Variants in TLCD4 observed in about 807,000 individuals in gnomAD.
The protein encoded by TLCD4 is TLC domain containing 4.
A neutral mutation model predicts 24.2 loss-of-function variants in TLCD4; 7 were observed. The ratio of observed to expected loss-of-function variants is 0.29; its 90% CI spans 0.16 to 0.54. The LOEUF (loss-of-function observed/expected upper bound fraction) is 0.54, where lower values mean the gene tolerates loss of function less well. TLCD4 is among the 20% of genes least tolerant of loss of function. The pLI is 0.95. For missense variants in TLCD4, 259 were observed against 313.9 expected (o/e 0.82, Z 1.32); for synonymous variants, 103 against 106.4 (o/e 0.97, Z 0.20).
Position 95,191,956 on chromosome 1 carries a change from TA to T in TLCD4, c.*90del. On this transcript the variant is annotated 3_prime_UTR_variant, in exon 7 of 7. Transcript: ENST00000370203. ...TTGGCATGTTCTTGTGTACCTTTCT[TA>T]ATTATAATTGTTATTCAGGATTTCA... 6.7e-7 allele frequency: 1 copy of T among 1,487,748 alleles called. No individual in the cohort carries two copies. Among genetic ancestry groups the T allele is most frequent in the Non-Finnish European group, 8.9e-7 (1 of 1,126,464 alleles). 92.2% of individuals were successfully genotyped at this position (1,487,748 alleles called of 1,614,324 possible). A position where few individuals can be genotyped will look rare whatever the true frequency, so the allele number is the denominator to read the frequency against.
chr1:95,168,518 CT>C (rs1181822226), intron 5 of TLCD4, among the ~76,000 whole-genome samples: 3 of 136,156 alleles, frequency 2.2e-5, no homozygotes, highest in Non-Finnish European at 3.1e-5. Flanking sequence ...ATCTGGATGG[CT>C]TTCTCCTTTT....
At chr1:95,106,953 AT>A in the TLCD4 span, among the ~76,000 whole-genome samples, 1 of 152,188 alleles carries the variant, frequency 6.6e-6, no homozygotes, top group Non-Finnish European at 1.5e-5. Flanking sequence ...CTCATATAGA[AT>A]GTCTAAAACA....
At chr1:95,147,578 A>G (rs1677386323) in intron 2 of TLCD4, among the ~76,000 whole-genome samples, 1 of 152,244 alleles carries the variant, frequency 6.6e-6, no homozygotes, top group African/African-American at 2.4e-5. Context: ...TCTATTTTGT[A>G]ACACACTATT....
At chr1:95,102,495 AAAG>A in the TLCD4 span, among the ~76,000 whole-genome samples, 1 of 152,196 alleles carries the variant, frequency 6.6e-6, no homozygotes, top group Non-Finnish European at 1.5e-5. Context: ...GAACTCAGAG[AAAG>A]AAGAGTATGG....
At chr1:95,171,637 T>C (rs1678227896) in intron 5 of TLCD4, among the ~76,000 whole-genome samples, 1 of 152,164 alleles carries the variant, frequency 6.6e-6, no homozygotes, top group African/African-American at 2.4e-5. Context: ...AAAGTTATTA[T>C]TGTATATGGA....
At position 95,193,995 on chromosome 1, in the gene TLCD4, TC is replaced by T. The variant is rs1229560108; in HGVS notation, c.*2128del. 6.6e-6 allele frequency: 1 copy of T among 152,116 alleles called. No homozygotes were observed. The highest frequency in any genetic ancestry group is 1.5e-5 in the Non-Finnish European group (1 of 67,952). 9.4% of individuals were successfully genotyped at this position (152,116 alleles called of 1,614,324 possible). A position where few individuals can be genotyped will look rare whatever the true frequency, so the allele number is the denominator to read the frequency against. ...TTTTGACTCTGGATATTTCTATAGT[TC>T]TGAACACAGATTTTAAACCCACTAT... is the stretch of plus-strand genomic sequence containing the variant. On this transcript the variant is annotated 3_prime_UTR_variant, in exon 7 of 7. Coordinates refer to ENST00000370203, the MANE Select transcript of TLCD4 (RefSeq NM_152487.3).
At chr1:95,105,950 T>C in the TLCD4 span, among the ~76,000 whole-genome samples, 1 of 145,728 alleles carries the variant, frequency 6.9e-6, no homozygotes, top group Non-Finnish European at 1.5e-5. Context: ...GAAAGAAGAC[T>C]ACTGCAAAGA....
intron 1 of TLCD4, among the ~76,000 whole-genome samples, chr1:95,124,363 A>G (rs1027451449): frequency 1.3e-5 from 2 of 152,208 alleles, no homozygotes; most frequent in African/African-American, 2.4e-5. Flanking sequence ...GAGAAACCAA[A>G]TCAGAGAAGC....
At chr1:95,180,550 T>G (rs1678598561) in intron 6 of TLCD4, among the ~76,000 whole-genome samples, 1 of 152,222 alleles carries the variant, frequency 6.6e-6, no homozygotes, top group Non-Finnish European at 1.5e-5. Context: ...GCACATGGCA[T>G]ACATGTGCTG....
At chr1:95,188,319 C>A (rs1358126194) in intron 6 of TLCD4, among the ~76,000 whole-genome samples, 1 of 139,746 alleles carries the variant, frequency 7.2e-6, no homozygotes. Flanking sequence ...TCCCGGGAGG[C>A]GGAGCTTGCA....
the TLCD4 span, among the ~76,000 whole-genome samples, chr1:95,105,894 T>TAAAAAAAAAAA: frequency 8.7e-6 from 1 of 115,362 alleles, no homozygotes; most frequent in African/African-American, 3.2e-5. Context: ...GACTCCGTCT[T>TAAAAAAAAAAA]AAAAAAAAAA....
chr1:95,183,279 A>G (rs140076377), intron 6 of TLCD4, among the ~76,000 whole-genome samples: 3 of 152,318 alleles, frequency 2.0e-5, no homozygotes, highest in Non-Finnish European at 2.9e-5. Context: ...CAATGAACGG[A>G]TAAAAAATTA....
intron 5 of TLCD4, among the ~76,000 whole-genome samples, chr1:95,160,995 T>C (rs536879737): frequency 1.3e-5 from 2 of 152,338 alleles, no homozygotes; most frequent in African/African-American, 4.8e-5. Context: ...CAGGCTTTGG[T>C]ATCAGGATGA....
intron 2 of TLCD4, among the ~76,000 whole-genome samples, chr1:95,144,588 C>A (rs1282647910): frequency 1.3e-5 from 2 of 148,842 alleles, no homozygotes; most frequent in African/African-American, 2.5e-5. Flanking sequence ...GTAAAAATTT[C>A]TTTTTAGTTT....
chr1:95,155,030 C>CAGTGT (rs1677594657), intron 5 of TLCD4, among the ~76,000 whole-genome samples: 2 of 151,666 alleles, frequency 1.3e-5, no homozygotes, highest in Non-Finnish European at 2.9e-5. Context: ...CAGTGCAGTG[C>CAGTGT]AGTGTAGTGT....
the TLCD4 span, among the ~76,000 whole-genome samples, chr1:95,093,536 G>A: frequency 6.6e-6 from 1 of 152,178 alleles, no homozygotes; most frequent in Non-Finnish European, 1.5e-5. Context: ...AAGTAGATAG[G>A]ACCACAGGTA....
chr1:95,150,208 G>C lies in TLCD4; in HGVS notation c.246G>C (p.Trp82Cys), dbSNP rs757851613. The change falls in exon 4 of 7, where the codon TGG becomes TGC. Residue 82 changes from tryptophan (W) to cysteine (C), a missense_variant and splice_region_variant. Trp to Cys is a radical substitution (Grantham distance 215, BLOSUM62 -2). Coordinates refer to ENST00000370203, the MANE Select transcript of TLCD4 (RefSeq NM_152487.3). ...FDEATKADPL[W>C]GGPSLANVNI... ...AAAAGGAACCTTTTTTTTTTTTCAG[G>C]GGTGGTCCATCACTTGCAAACGTGA... 4 of 1,599,938 alleles carry C rather than the reference G, an allele frequency of 2.5e-6. No homozygotes were observed. Among genetic ancestry groups the C allele is most frequent in the Admixed American group, 1.7e-5 (1 of 57,662 alleles).
chr1:95,131,388 A>T (rs1557679425), intron 1 of TLCD4, among the ~76,000 whole-genome samples: 1 of 152,230 alleles, frequency 6.6e-6, no homozygotes, highest in Non-Finnish European at 1.5e-5. Context: ...TCTTTAAGGA[A>T]GAGAAAGAAG....
chr1:95,106,482 C>T, the TLCD4 span, among the ~76,000 whole-genome samples: 1 of 152,132 alleles, frequency 6.6e-6, no homozygotes, highest in African/African-American at 2.4e-5. Context: ...GGGTGGATTG[C>T]TTGAGCTCAG....
Sources: gnomAD v4.1 joint callset for allele counts (sites outside exome capture counted in the v4.1 genomes callset) on GRCh38, gnomAD v4.1.1 for gene constraint, MANE v1.5 for transcripts, NCBI Gene and HGNC (gene_info 2026-07-23, HGNC 2026-07-21) for gene names.